MDFIC: variants seen among roughly 807,000 people sequenced by gnomAD.
MDFIC encodes the protein MyoD family inhibitor domain containing.
In MDFIC, 17 loss-of-function variants were observed where a neutral mutation model predicts 23.2. The ratio of observed to expected loss-of-function variants is 0.73; its 90% CI spans 0.50 to 1.10. MDFIC has a LOEUF of 1.10. Ranked by LOEUF, MDFIC falls within the 50% of genes least tolerant of loss-of-function variation. The pLI, the probability that MDFIC is intolerant of heterozygous loss-of-function variation, is 0.00. For missense variants in MDFIC, 356 were observed against 316.6 expected (o/e 1.12, Z -0.95); for synonymous variants, 120 against 115.2 (o/e 1.04, Z -0.27).
intron 2 of MDFIC, among the ~76,000 whole-genome samples, chr7:114,936,500 A>G (rs1213107658): frequency 1.3e-5 from 2 of 152,164 alleles, no homozygotes; most frequent in Non-Finnish European, 2.9e-5. Flanking sequence ...GTACATTTCT[A>G]CCTACAAAGG....
intron 4 of MDFIC, among the ~76,000 whole-genome samples, chr7:114,982,056 T>C (rs1032139703): frequency 2.0e-5 from 3 of 152,202 alleles, no homozygotes; most frequent in African/African-American, 7.2e-5. Flanking sequence ...TTAGATAATT[T>C]TAAAAATTAA....
intron 4 of MDFIC, among the ~76,000 whole-genome samples, chr7:114,983,886 C>T (rs1317640974): frequency 6.6e-6 from 1 of 152,004 alleles, no homozygotes; most frequent in Non-Finnish European, 1.5e-5. Context: ...CTTCTATGTG[C>T]TACTTGCTTC....
chr7:114,968,165 C>T (rs372067462), intron 3 of MDFIC, among the ~76,000 whole-genome samples: 1 of 152,138 alleles, frequency 6.6e-6, no homozygotes, highest in African/African-American at 2.4e-5. Flanking sequence ...TCTCTCTGTG[C>T]CATTTGCAGA....
At chr7:114,979,855 C>A (rs1004279947) in intron 4 of MDFIC, 74 bp downstream of exon 4, 1 of 1,505,362 alleles carries the variant, frequency 6.6e-7, no homozygotes, top group Non-Finnish European at 9.2e-7. Context: ...TTTGATCAAG[C>A]ATATATAATT....
chr7:114,924,408 C>T (rs1241668770), intron 2 of MDFIC, among the ~76,000 whole-genome samples: 1 of 152,146 alleles, frequency 6.6e-6, no homozygotes, highest in Non-Finnish European at 1.5e-5. Context: ...ATCAAACACC[C>T]AAGGAAAATA....
intron 4 of MDFIC, among the ~76,000 whole-genome samples, chr7:115,000,178 G>A (rs1250702003): frequency 6.6e-6 from 1 of 152,082 alleles, no homozygotes; most frequent in Non-Finnish European, 1.5e-5. Context: ...CCTTTTCTAT[G>A]TTTACATATA....
intron 4 of MDFIC, among the ~76,000 whole-genome samples, chr7:114,991,563 C>A (rs535284302): frequency 3.3e-5 from 5 of 152,306 alleles, no homozygotes; most frequent in African/African-American, 1.2e-4. Flanking sequence ...CAGCTTTCTA[C>A]ATGTGGCTAG....
chr7:114,940,612 G>T (rs963106337), intron 2 of MDFIC, among the ~76,000 whole-genome samples: 1 of 152,148 alleles, frequency 6.6e-6, no homozygotes, highest in Non-Finnish European at 1.5e-5. Context: ...AGTTTAGAAA[G>T]ATGACTATTT....
At chr7:114,967,423 A>G (rs371340857) in intron 3 of MDFIC, among the ~76,000 whole-genome samples, 1 of 152,240 alleles carries the variant, frequency 6.6e-6, no homozygotes, top group African/African-American at 2.4e-5. Context: ...AAGCTGCATC[A>G]TAGACTCATA....
At chr7:114,994,341 C>G (rs1791264975) in intron 4 of MDFIC, among the ~76,000 whole-genome samples, 1 of 152,084 alleles carries the variant, frequency 6.6e-6, no homozygotes, top group Non-Finnish European at 1.5e-5. Flanking sequence ...AGCATTTAGC[C>G]CATTTACATT....
In MDFIC at chr7:115,019,796, A is replaced by T. The variant is rs929004181; in HGVS notation, c.*3861A>T. Among the ~76,000 whole-genome samples, 2 of 152,152 alleles carry T rather than the reference A, an allele frequency of 1.3e-5. No individual in the cohort carries two copies. The highest frequency in any genetic ancestry group is 4.8e-5 in the African/African-American group (2 of 41,440). On this transcript the variant is annotated 3_prime_UTR_variant, in exon 5 of 5. Coordinates refer to ENST00000393486, the MANE Select transcript of MDFIC (RefSeq NM_001166345.3). ...TTTTGTTTTAAACAATGGTTAATATATTAATAGGGTTTGTTCCACACTTAC... is the reference window on the plus strand; with the variant it reads ...TTTTGTTTTAAACAATGGTTAATATTTTAATAGGGTTTGTTCCACACTTAC...
chr7:114,975,055 C>CG (rs1337935092), intron 3 of MDFIC, among the ~76,000 whole-genome samples: 1 of 150,706 alleles, frequency 6.6e-6, no homozygotes, highest in Non-Finnish European at 1.5e-5. Context: ...ATCAAGAATA[C>CG]TTTTTTTTTG....
intron 3 of MDFIC, among the ~76,000 whole-genome samples, chr7:114,966,405 CAAAAAAA>C (rs61377366): frequency 0.032 from 3,874 of 121,318 alleles, 99 homozygotes; most frequent in South Asian, 0.13. Flanking sequence ...GTCAGGAAAC[CAAAAAAA>C]AAAAAAAAAG....
At position 115,018,311 on chromosome 7, in the gene MDFIC, TA is replaced by T. The variant is rs1198735739; in HGVS notation, c.*2377del. On this transcript the variant is annotated 3_prime_UTR_variant, in exon 5 of 5. Coordinates refer to ENST00000393486, the MANE Select transcript of MDFIC (RefSeq NM_001166345.3). Reference sequence around the variant, plus strand: ...GGAATTGTTAGAATATTTGACTTTTTATATGCAAAGTTTTTCAACCAAGTGG... The same window carrying T: ...GGAATTGTTAGAATATTTGACTTTTTTATGCAAAGTTTTTCAACCAAGTGG... 6.6e-6 allele frequency: 1 copy of T among 152,036 alleles called. No homozygotes were observed. Among genetic ancestry groups the T allele is most frequent in the Non-Finnish European group, 1.5e-5 (1 of 67,868 alleles). The allele number at this position is 152,036 out of a possible 1,614,324, so 9.4% of individuals were successfully genotyped here.
intron 3 of MDFIC, among the ~76,000 whole-genome samples, chr7:114,965,407 A>C (rs1793076546): frequency 2.0e-5 from 3 of 152,178 alleles, no homozygotes. Context: ...TTTATTTTTT[A>C]GAAATGTATT....
At chr7:115,007,147 C>A (rs1315836520) in intron 4 of MDFIC, among the ~76,000 whole-genome samples, 1 of 152,122 alleles carries the variant, frequency 6.6e-6, no homozygotes, top group Non-Finnish European at 1.5e-5. Flanking sequence ...CTTTTACAAA[C>A]CTCCTTAGGT....
At chr7:114,992,023 C>T (rs1361820139) in intron 4 of MDFIC, among the ~76,000 whole-genome samples, 5 of 152,136 alleles carry the variant, frequency 3.3e-5, no homozygotes, top group Admixed American at 1.3e-4. Flanking sequence ...TCTTTTATTT[C>T]GTTGAGCAGT....
chr7:114,977,913 A>G (rs925758344), intron 3 of MDFIC, among the ~76,000 whole-genome samples: 1 of 147,958 alleles, frequency 6.8e-6, no homozygotes, highest in Non-Finnish European at 1.5e-5. Context: ...TATATTTTAT[A>G]TATCACATAA....
intron 2 of MDFIC, among the ~76,000 whole-genome samples, chr7:114,939,760 A>G (rs1351736089): frequency 6.6e-6 from 1 of 152,234 alleles, no homozygotes; most frequent in Non-Finnish European, 1.5e-5. Flanking sequence ...TCTTTTAGTC[A>G]GCAATGCTTC....
Sources: gnomAD v4.1 joint callset for allele counts (sites outside exome capture counted in the v4.1 genomes callset) on GRCh38, gnomAD v4.1.1 for gene constraint, MANE v1.5 for transcripts, NCBI Gene and HGNC (gene_info 2026-07-23, HGNC 2026-07-21) for gene names.